The following MEP1A variants were observed in gnomAD, a reference collection of about 807,000 sequenced individuals.
The protein encoded by MEP1A is N-benzoyl-L-tyrosyl-P-amino-benzoic acid hydrolase subunit alpha.
A neutral mutation model predicts 84.5 loss-of-function variants in MEP1A; 68 were observed. That is an observed-to-expected ratio of 0.80 (90% CI 0.66 to 0.98). The LOEUF is 0.98. Ranked by LOEUF, MEP1A falls within the 50% of genes least tolerant of loss-of-function variation. The probability of loss-of-function intolerance (pLI) is 0.00; values close to 1 mark genes in which losing one functional copy is unlikely to be tolerated. For synonymous variants in MEP1A, 337 were observed against 336.8 expected, an observed-to-expected ratio of 1.00 and a Z score of -0.01; for missense variants, 887 against 919.9, an observed-to-expected ratio of 0.96 and a Z score of 0.46.
intron 7 of MEP1A, among the ~76,000 whole-genome samples, chr6:46,825,058 G>A (rs9381485): frequency 0.071 from 1,528 of 21,658 alleles, 344 homozygotes; most frequent in African/African-American, 0.25. Flanking sequence ...TATAAATTAT[G>A]TATTTAAATA....
downstream of MEP1A, among the ~76,000 whole-genome samples, chr6:46,844,726 C>T (rs552736768): frequency 5.1e-4 from 77 of 152,250 alleles, no homozygotes; most frequent in Non-Finnish European, 1.0e-3. Flanking sequence ...GTAATAGAAT[C>T]CCCAAACTCC....
intron 6 of MEP1A, among the ~76,000 whole-genome samples, chr6:46,816,613 G>A (rs566257757): frequency 3.9e-5 from 6 of 151,910 alleles, no homozygotes; most frequent in Middle Eastern, 3.4e-3. Context: ...GGAAGAAGAG[G>A]GAGAGGGAGA....
At chr6:46,819,757 T>C (rs2150749738) in intron 7 of MEP1A, 53 bp downstream of exon 7, 3 of 1,571,354 alleles carry the variant, frequency 1.9e-6, no homozygotes, top group Non-Finnish European at 2.6e-6. Flanking sequence ...AGACCAATCC[T>C]GAGATGACCA....
At chr6:46,819,845 C>G (rs1382458871) in intron 7 of MEP1A, 141 bp downstream of exon 7, 1 of 923,534 alleles carries the variant, frequency 1.1e-6, no homozygotes, top group African/African-American at 1.7e-5. Context: ...TTTGTTGGCC[C>G]TTTATGTGGG....
intron 3 of MEP1A, among the ~76,000 whole-genome samples, chr6:46,797,855 TTTC>T (rs1193912390): frequency 2.0e-3 from 302 of 150,414 alleles, no homozygotes; most frequent in African/African-American, 6.9e-3. Context: ...TCTTTCTTTC[TTTC>T]TTACTTTCTA....
At chr6:46,830,814 CT>C (rs923875653) in intron 10 of MEP1A, among the ~76,000 whole-genome samples, 2 of 152,100 alleles carry the variant, frequency 1.3e-5, no homozygotes, top group Admixed American at 6.5e-5. Context: ...GAGGGGTTCA[CT>C]TTTCTGGTTG....
At chr6:46,802,502 T>G (rs1236006452) in intron 5 of MEP1A, among the ~76,000 whole-genome samples, 2 of 151,932 alleles carry the variant, frequency 1.3e-5, no homozygotes, top group African/African-American at 4.8e-5. Context: ...TAGTAAAAAT[T>G]CTTCTTGCCT....
intron 7 of MEP1A, among the ~76,000 whole-genome samples, chr6:46,823,367 T>G (rs984192355): frequency 6.6e-6 from 1 of 152,210 alleles, no homozygotes; most frequent in East Asian, 1.9e-4. Flanking sequence ...ATCCCAGCAC[T>G]TTGAGAGGCC....
At chr6:46,801,306 A>G (rs1423824266) in intron 5 of MEP1A, among the ~76,000 whole-genome samples, 1 of 152,132 alleles carries the variant, frequency 6.6e-6, no homozygotes. Context: ...TTGTAGTTAT[A>G]GCCATTTTAG....
At chr6:46,818,985 C>CACATGA in intron 6 of MEP1A, among the ~76,000 whole-genome samples, 1 of 73,340 alleles carries the variant, frequency 1.4e-5, no homozygotes. Flanking sequence ...ACATTATCTG[C>CACATGA]CTGTGGTTCC....
chr6:46,817,132 A>G (rs1476575545), intron 6 of MEP1A, among the ~76,000 whole-genome samples: 1 of 152,218 alleles, frequency 6.6e-6, no homozygotes, highest in Non-Finnish European at 1.5e-5. Context: ...AATGGATTTC[A>G]GAAATCTGTG....
intron 5 of MEP1A, among the ~76,000 whole-genome samples, chr6:46,804,671 A>G (rs1266039771): frequency 6.6e-6 from 1 of 151,726 alleles, no homozygotes; most frequent in Non-Finnish European, 1.5e-5. Context: ...TCTCAGATGT[A>G]CAATTCAATG....
chr6:46,830,806 G>A (rs1768058572), intron 10 of MEP1A, among the ~76,000 whole-genome samples: 1 of 152,154 alleles, frequency 6.6e-6, no homozygotes, highest in Non-Finnish European at 1.5e-5. Flanking sequence ...ACAGTTTTGA[G>A]GGGTTCACTT....
intron 6 of MEP1A, among the ~76,000 whole-genome samples, chr6:46,811,854 G>A (rs1767505740): frequency 6.6e-6 from 1 of 151,994 alleles, no homozygotes; most frequent in South Asian, 2.1e-4. Flanking sequence ...TTTTTGATAT[G>A]CTGTTGGATT....
chr6:46,829,418 G>A lies in MEP1A; in HGVS notation c.991G>A (p.Glu331Lys). Reference sequence around the variant, plus strand: ...GTCCGCGGAAGAGGCAGCCCTACTGGAGTCTCGGATTCTTTACCCAAAGAG... The same window carrying A: ...GTCCGCGGAAGAGGCAGCCCTACTGAAGTCTCGGATTCTTTACCCAAAGAG... Reference protein sequence around the residue: ...SGSAEEAALLESRILYPKRKQ... With the variant: ...SGSAEEAALLKSRILYPKRKQ... The change falls in exon 10 of 14, where the codon GAG (glutamate) becomes AAG (lysine). Residue 331 changes from glutamate (E) to lysine (K), a missense_variant. Transcript: ENST00000230588. The A allele has an allele frequency of 6.2e-7, 1 of 1,614,156 alleles. No homozygotes were observed. The highest frequency in any genetic ancestry group is 1.1e-5 in the South Asian group (1 of 91,068).
chr6:46,844,465 C>A (rs1655546534), downstream of MEP1A, among the ~76,000 whole-genome samples: 1 of 152,162 alleles, frequency 6.6e-6, no homozygotes, highest in Non-Finnish European at 1.5e-5. Context: ...TGGATTGAGA[C>A]ATGGGCCTCA....
intron 4 of MEP1A, 117 bp downstream of exon 4, chr6:46,798,763 C>G: frequency 1.2e-6 from 1 of 847,138 alleles, no homozygotes; most frequent in Admixed American, 2.1e-5. Flanking sequence ...AGAGAAATCT[C>G]ATCTATAATC....
chr6:46,832,091 A>C (rs1478030341), intron 10 of MEP1A, among the ~76,000 whole-genome samples: 4 of 152,230 alleles, frequency 2.6e-5, no homozygotes, highest in Admixed American at 2.0e-4. Flanking sequence ...GGGAAAGTAT[A>C]GTTCTATAAG....
intron 9 of MEP1A, 139 bp from the exon 10 acceptor site, chr6:46,829,214 CCTT>C: frequency 4.5e-6 from 3 of 666,124 alleles, no homozygotes; most frequent in East Asian, 2.6e-5. Context: ...TGACAAATGT[CCTT>C]CTTTTTATTT....
Sources: allele counts gnomAD v4.1 joint callset (sites outside exome capture counted in the v4.1 genomes callset), GRCh38; gene constraint gnomAD v4.1.1; transcripts MANE v1.5; gene names NCBI Gene and HGNC (gene_info 2026-07-23, HGNC 2026-07-21).